Variants in THEMIS observed in about 807,000 individuals in gnomAD.
THEMIS encodes the protein protein THEMIS.
A neutral mutation model predicts 52.6 loss-of-function variants in THEMIS; 37 were observed. The ratio of observed to expected loss-of-function variants is 0.70; its 90% confidence interval spans 0.54 to 0.93. The LOEUF (loss-of-function observed/expected upper bound fraction) is 0.93, where lower values mean the gene tolerates loss of function less well. THEMIS is among the 40% of genes least tolerant of loss of function. THEMIS has a pLI of 0.00. For missense variants in THEMIS, 808 were observed against 763.1 expected (o/e 1.06, Z -0.69); for synonymous variants, 292 against 272.7 (o/e 1.07, Z -0.70).
intron 4 of THEMIS, among the ~76,000 whole-genome samples, chr6:127,793,517 T>C (rs1039157030): frequency 6.6e-6 from 1 of 152,052 alleles, no homozygotes; most frequent in Non-Finnish European, 1.5e-5. Flanking sequence ...GCAGGCCCCA[T>C]GAAATCAAGC....
intron 4 of THEMIS, among the ~76,000 whole-genome samples, chr6:127,793,847 T>C (rs918523777): frequency 3.9e-5 from 6 of 152,294 alleles, no homozygotes; most frequent in African/African-American, 9.6e-5. Flanking sequence ...ACTAAGATTA[T>C]CCCAGACCAC....
intron 1 of THEMIS, among the ~76,000 whole-genome samples, chr6:127,914,429 T>C (rs2114537980): frequency 6.6e-6 from 1 of 152,316 alleles, no homozygotes; most frequent in Admixed American, 6.5e-5. Context: ...TTCTGAGAAA[T>C]GCATCCTCAG....
intron 4 of THEMIS, among the ~76,000 whole-genome samples, chr6:127,794,226 A>G (rs1777252904): frequency 6.6e-6 from 1 of 152,190 alleles, no homozygotes; most frequent in Non-Finnish European, 1.5e-5. Context: ...TAAGACGGCA[A>G]TGTTCTTCTA....
intron 4 of THEMIS, among the ~76,000 whole-genome samples, chr6:127,808,068 GTTC>G (rs1348207785): frequency 6.6e-6 from 1 of 152,118 alleles, no homozygotes; most frequent in Non-Finnish European, 1.5e-5. Context: ...TCCTATGGGT[GTTC>G]TTGTCCGACA....
At chr6:127,733,991 T>G (rs1774898235) in intron 4 of THEMIS, among the ~76,000 whole-genome samples, 1 of 152,202 alleles carries the variant, frequency 6.6e-6, no homozygotes, top group Non-Finnish European at 1.5e-5. Context: ...TGTATGTAAC[T>G]GGCAAAAGGA....
chr6:127,822,274 T>C (rs2114637864), intron 3 of THEMIS, among the ~76,000 whole-genome samples: 1 of 152,184 alleles, frequency 6.6e-6, no homozygotes, highest in African/African-American at 2.4e-5. Flanking sequence ...AGTTCATTCA[T>C]TTGATCTCAA....
chr6:127,838,121 A>G (rs1164477586), intron 2 of THEMIS, among the ~76,000 whole-genome samples: 2 of 152,090 alleles, frequency 1.3e-5, no homozygotes, highest in African/African-American at 2.4e-5. Context: ...TACCTGTGTC[A>G]TCAATAATTA....
intron 4 of THEMIS, among the ~76,000 whole-genome samples, chr6:127,777,162 G>A (rs1776593059): frequency 6.9e-6 from 1 of 145,186 alleles, no homozygotes; most frequent in African/African-American, 2.5e-5. Flanking sequence ...TTATTGATGT[G>A]TTTGAGTTTA....
chr6:127,823,228 C>G (rs1778399826), intron 3 of THEMIS, among the ~76,000 whole-genome samples: 1 of 152,098 alleles, frequency 6.6e-6, no homozygotes, highest in Non-Finnish European at 1.5e-5. Context: ...TGGGAGCTGA[C>G]TAGAGTATCT....
intron 2 of THEMIS, among the ~76,000 whole-genome samples, chr6:127,833,856 A>G (rs1341281377): frequency 2.0e-5 from 3 of 152,230 alleles, no homozygotes; most frequent in Non-Finnish European, 4.4e-5. Flanking sequence ...AGTGATAGAA[A>G]AGCCACAAGA....
At chr6:127,821,937 G>A (rs766550906) in intron 3 of THEMIS, among the ~76,000 whole-genome samples, 1 of 151,882 alleles carries the variant, frequency 6.6e-6, no homozygotes, top group Non-Finnish European at 1.5e-5. Context: ...CAAGATGATG[G>A]TTTCTACATA....
intron 2 of THEMIS, among the ~76,000 whole-genome samples, chr6:127,845,065 A>G (rs1034454296): frequency 6.6e-6 from 1 of 150,966 alleles, no homozygotes; most frequent in Admixed American, 6.6e-5. Context: ...AAAAAAAAAA[A>G]GGCTCCAGTA....
intron 4 of THEMIS, among the ~76,000 whole-genome samples, chr6:127,801,348 T>C (rs910586258): frequency 6.6e-6 from 1 of 152,160 alleles, no homozygotes; most frequent in African/African-American, 2.4e-5. Context: ...AAGATTGCCC[T>C]GAGTCTCCTG....
intron 4 of THEMIS, among the ~76,000 whole-genome samples, chr6:127,798,048 C>T (rs112502251): frequency 0.013 from 2,002 of 152,298 alleles, 46 homozygotes; most frequent in African/African-American, 0.046. Context: ...TGTGTTCATA[C>T]GTCACTTTAT....
At chr6:127,791,748 C>T (rs552368194) in intron 4 of THEMIS, among the ~76,000 whole-genome samples, 1 of 152,276 alleles carries the variant, frequency 6.6e-6, no homozygotes, top group South Asian at 2.1e-4. Flanking sequence ...CCACCTCACC[C>T]TCCCTCCCAT....
intron 1 of THEMIS, among the ~76,000 whole-genome samples, chr6:127,881,454 G>A (rs954231768): frequency 6.6e-6 from 1 of 151,904 alleles, no homozygotes; most frequent in Non-Finnish European, 1.5e-5. Flanking sequence ...TAGGATTATA[G>A]GAAAAAACAT....
chr6:127,875,314 C>T (rs1780281907), intron 1 of THEMIS, among the ~76,000 whole-genome samples: 1 of 152,262 alleles, frequency 6.6e-6, no homozygotes, highest in Admixed American at 6.5e-5. Context: ...ACTTTTGACA[C>T]CAGTGACAGA....
At chr6:127,752,183 T>C (rs977353231) in intron 4 of THEMIS, among the ~76,000 whole-genome samples, 1 of 151,602 alleles carries the variant, frequency 6.6e-6, no homozygotes, top group Non-Finnish European at 1.5e-5. Flanking sequence ...GGAAAAGTTA[T>C]CACAGTAAAT....
At position 127,829,646 on chromosome 6, in the gene THEMIS, C is replaced by G; in HGVS notation, c.539G>C (p.Arg180Pro). 1 of 1,614,018 alleles carries G rather than the reference C, an allele frequency of 6.2e-7. No individual in the cohort carries two copies. Among genetic ancestry groups the G allele is most frequent in the South Asian group, 1.1e-5 (1 of 91,088 alleles). Residue 180 changes from arginine to proline, a missense_variant, in exon 3 of 6, where the codon CGT becomes CCT. By Grantham distance (103) the Arg-to-Pro change is moderately radical (BLOSUM62 -2). Transcript: ENST00000368248. ...EGEFYECEDE[R>P]IYTLKEIVEW... ...AACAATCTCCTTTAGAGTGTAAATA[C>G]GTTCATCTTCACACTCGTAGAATTC...
Sources: allele counts gnomAD v4.1 joint callset (sites outside exome capture counted in the v4.1 genomes callset), GRCh38; gene constraint gnomAD v4.1.1; transcripts MANE v1.5; gene names NCBI Gene and HGNC (gene_info 2026-07-23, HGNC 2026-07-21).